Variants in TMEM117 observed in about 807,000 individuals in gnomAD.
TMEM117 encodes the protein transmembrane protein 117.
TMEM117 carries 27 observed loss-of-function variants against 52.4 expected under a neutral mutation model. The ratio of observed to expected loss-of-function variants is 0.51; its 90% CI spans 0.38 to 0.71. The LOEUF (loss-of-function observed/expected upper bound fraction) is 0.71, where lower values mean the gene tolerates loss of function less well. Ranked by LOEUF, TMEM117 falls within the 30% of genes least tolerant of loss-of-function variation. TMEM117 has a pLI of 0.00. For synonymous variants in TMEM117, 215 were observed against 206.3 expected (o/e 1.04, Z -0.36); for missense variants, 556 against 630.5 (o/e 0.88, Z 1.26).
At chr12:44,049,211 A>G (rs1946927901) in intron 3 of TMEM117, among the ~76,000 whole-genome samples, 1 of 152,242 alleles carries the variant, frequency 6.6e-6, no homozygotes, top group Non-Finnish European at 1.5e-5. Context: ...TGGTACATAT[A>G]CACCATGGAA....
At chr12:44,211,146 T>C in intron 4 of TMEM117, 144 bp from the exon 5 acceptor site, 1 of 638,570 alleles carries the variant, frequency 1.6e-6, no homozygotes, top group Non-Finnish European at 2.7e-6. Context: ...GAATGAAGTA[T>C]ATCCTAATTT....
rs556071929 is a variant in TMEM117 at position 43,949,915 on chromosome 12, C to T, written c.410+5573C>T. Among the ~76,000 whole-genome samples, 3 of 152,218 alleles carry T rather than the reference C, an allele frequency of 2.0e-5. No individual in the cohort carries two copies. The East Asian group carries it at 5.8e-4, about 29-fold the overall frequency. Reference sequence around the variant, plus strand: ...TTGGATTTTAGAACCTCAAAACATCCCCAGCTATTCTCTTCTCCCAGTTTC... The same window carrying T: ...TTGGATTTTAGAACCTCAAAACATCTCCAGCTATTCTCTTCTCCCAGTTTC... On this transcript the variant is annotated intron_variant, in intron 3 of 7. Transcript: ENST00000266534.
intron 4 of TMEM117, among the ~76,000 whole-genome samples, chr12:44,167,206 G>C (rs1387682506): frequency 6.6e-6 from 1 of 152,142 alleles, no homozygotes; most frequent in East Asian, 1.9e-4. Context: ...AGATGGTTTT[G>C]CTGTCAAATC....
At chr12:44,380,444 G>A (rs1952004624) in intron 7 of TMEM117, among the ~76,000 whole-genome samples, 1 of 152,150 alleles carries the variant, frequency 6.6e-6, no homozygotes, top group South Asian at 2.1e-4. Context: ...TGAGTCAAAA[G>A]TTGACTCCAC....
intron 6 of TMEM117, among the ~76,000 whole-genome samples, chr12:44,350,407 T>A (rs924475657): frequency 3.9e-5 from 6 of 152,000 alleles, no homozygotes; most frequent in Non-Finnish European, 5.9e-5. Flanking sequence ...TCCAACTATA[T>A]TTTTTAGTTA....
At chr12:44,134,817 C>T (rs1033092909) in intron 3 of TMEM117, among the ~76,000 whole-genome samples, 5 of 151,812 alleles carry the variant, frequency 3.3e-5, no homozygotes, top group Admixed American at 6.6e-5. Flanking sequence ...TTCATTGCAA[C>T]GAATATAATC....
intron 3 of TMEM117, among the ~76,000 whole-genome samples, chr12:44,010,701 C>A (rs1457459552): frequency 6.6e-6 from 1 of 152,132 alleles, no homozygotes. Context: ...TTACAATATA[C>A]ATTTATAAGT....
intron 5 of TMEM117, among the ~76,000 whole-genome samples, chr12:44,217,026 C>A (rs1171093049): frequency 6.6e-6 from 1 of 152,082 alleles, no homozygotes; most frequent in East Asian, 1.9e-4. Context: ...ACAAAAGGAA[C>A]TTAGTTGTTT....
chr12:43,936,951 AG>A (rs779483633), intron 2 of TMEM117, among the ~76,000 whole-genome samples: 65 of 152,312 alleles, frequency 4.3e-4, no homozygotes, highest in Non-Finnish European at 7.9e-4. Flanking sequence ...AAGAGGCCTC[AG>A]AGGTGGAGAA....
In TMEM117 at chr12:44,195,936, A is replaced by ATAAC. The variant is rs1425132602; in HGVS notation, c.511-15352_511-15349dup. Among the ~76,000 whole-genome samples the ATAAC allele has an allele frequency of 6.8e-3, 923 of 136,644 alleles. 6 individuals are homozygous for ATAAC. Among genetic ancestry groups the ATAAC allele is most frequent in the Middle Eastern group, 0.018 (5 of 280 alleles). The allele number at this position is 136,644 out of a possible 152,430, so 89.6% of individuals were successfully genotyped here. A position where few individuals can be genotyped will look rare whatever the true frequency, so the allele number is the denominator to read the frequency against. ...AATAAATAAATAAATAAATAAATAA[A>ATAAC]TAACTGGGCATGGTGACACATACTT... On this transcript the variant is annotated intron_variant, in intron 4 of 7. Transcript: ENST00000266534.
chr12:43,846,106 T>G (rs1397370059), intron 2 of TMEM117, among the ~76,000 whole-genome samples: 1 of 152,194 alleles, frequency 6.6e-6, no homozygotes, highest in African/African-American at 2.4e-5. Flanking sequence ...CTCTCTCTTT[T>G]TTTTTTGAAC....
chr12:44,043,909 G>C (rs1325054152), intron 3 of TMEM117, among the ~76,000 whole-genome samples: 7 of 152,216 alleles, frequency 4.6e-5, no homozygotes, highest in Non-Finnish European at 1.0e-4. Flanking sequence ...GGCCCGCTAA[G>C]TAGGGACTCT....
chr12:43,865,314 T>G (rs1210671329), intron 2 of TMEM117, among the ~76,000 whole-genome samples: 1 of 152,150 alleles, frequency 6.6e-6, no homozygotes, highest in Non-Finnish European at 1.5e-5. Context: ...CCTTCTAACT[T>G]GGGCATTGAA....
intron 4 of TMEM117, among the ~76,000 whole-genome samples, chr12:44,161,565 A>G (rs842197): frequency 8.5e-5 from 13 of 152,302 alleles, no homozygotes; most frequent in African/African-American, 3.1e-4. Flanking sequence ...TATATATGCC[A>G]TTTGTAAATG....
chr12:43,945,441 C>T (rs1306966680), intron 3 of TMEM117, among the ~76,000 whole-genome samples: 1 of 151,802 alleles, frequency 6.6e-6, no homozygotes, highest in Non-Finnish European at 1.5e-5. Context: ...CTTCCTCAGC[C>T]TCCCTAGTAG....
chr12:44,244,771 C>T (rs868168371), intron 5 of TMEM117, among the ~76,000 whole-genome samples: 2 of 151,924 alleles, frequency 1.3e-5, no homozygotes, highest in Admixed American at 1.3e-4. Flanking sequence ...ATTGCCCAGA[C>T]CAATGTCATG....
chr12:44,386,181 C>A (rs761997571), intron 7 of TMEM117, among the ~76,000 whole-genome samples: 9 of 152,084 alleles, frequency 5.9e-5, no homozygotes, highest in Non-Finnish European at 1.3e-4. Context: ...TGATCTCTGT[C>A]CTGTTCCCCT....
intron 3 of TMEM117, among the ~76,000 whole-genome samples, chr12:44,038,104 A>G (rs944444894): frequency 2.0e-5 from 3 of 152,128 alleles, no homozygotes; most frequent in Non-Finnish European, 4.4e-5. Context: ...TTTCCTGGAC[A>G]CAGGACAAGA....
the TMEM117 span, among the ~76,000 whole-genome samples, chr12:43,813,231 G>GCTTTTTTTTTTTTT: frequency 1.8e-4 from 11 of 62,616 alleles, no homozygotes; most frequent in African/African-American, 6.5e-4. Context: ...GTTTTCTCTT[G>GCTTTTTTTTTTTTT]TTTTTTTTTT....
Sources: gnomAD v4.1 joint callset for allele counts (sites outside exome capture counted in the v4.1 genomes callset) on GRCh38, gnomAD v4.1.1 for gene constraint, MANE v1.5 for transcripts, NCBI Gene and HGNC (gene_info 2026-07-23, HGNC 2026-07-21) for gene names.